Variants in GPHN observed in about 807,000 individuals in gnomAD.
The protein encoded by GPHN is gephyrin.
GPHN carries 17 observed loss-of-function variants against 95.5 expected under a neutral mutation model. The observed-to-expected ratio is 0.18, with a 90% CI of 0.12 to 0.27. The LOEUF is 0.27. GPHN is among the 10% of genes least tolerant of loss of function. The pLI, the probability that GPHN is intolerant of heterozygous loss-of-function variation, is 1.00. For missense variants in GPHN, 660 were observed against 978.1 expected (o/e 0.67, Z 4.34); for synonymous variants, 320 against 322.5 (o/e 0.99, Z 0.08).
chr14:67,282,767 T>C, the GPHN span, among the ~76,000 whole-genome samples: 6 of 152,262 alleles, frequency 3.9e-5, no homozygotes, highest in Admixed American at 3.3e-4. Flanking sequence ...CAAATATTAT[T>C]GTCTTTGTTC....
chr14:66,791,861 A>G (rs1256256597), intron 3 of GPHN, among the ~76,000 whole-genome samples: 2 of 152,130 alleles, frequency 1.3e-5, no homozygotes, highest in Non-Finnish European at 1.5e-5. Context: ...GACATAGGAG[A>G]GACTGGGTAA....
chr14:67,582,128 C>T, the GPHN span: 1 of 1,613,718 alleles, frequency 6.2e-7, no homozygotes, highest in Non-Finnish European at 8.5e-7. This position sits in a 1 kb window ranked among gnomAD's most constrained non-coding sequence, Gnocchi z 5.0. Context: ...CTCCTTGCCT[C>T]TCAAACCAGT....
chr14:66,618,792 A>C (rs553870861), intron 1 of GPHN, among the ~76,000 whole-genome samples: 1 of 152,268 alleles, frequency 6.6e-6, no homozygotes, highest in East Asian at 1.9e-4. Context: ...TAAACGGCAC[A>C]TTTTAAATTT....
intron 2 of GPHN, among the ~76,000 whole-genome samples, chr14:66,700,534 G>A (rs984326082): frequency 1.3e-5 from 2 of 151,980 alleles, no homozygotes; most frequent in Non-Finnish European, 2.9e-5. Flanking sequence ...GGGACAACTC[G>A]GGGATGAAGG....
At chr14:67,694,624 A>G in the GPHN span, among the ~76,000 whole-genome samples, 3 of 152,172 alleles carry the variant, frequency 2.0e-5, no homozygotes, top group Middle Eastern at 0.01. Flanking sequence ...GTAGTGAAAA[A>G]AAGATAAAAA....
intron 17 of GPHN, among the ~76,000 whole-genome samples, chr14:67,128,985 C>T (rs753862734): frequency 4.0e-5 from 6 of 151,308 alleles, no homozygotes; most frequent in Non-Finnish European, 8.8e-5. Context: ...CAGCTAATTT[C>T]GTATTTTTAG....
chr14:67,641,814 A>AT, the GPHN span, among the ~76,000 whole-genome samples: 3 of 152,062 alleles, frequency 2.0e-5, no homozygotes, highest in Non-Finnish European at 4.4e-5. Flanking sequence ...CTCTTTGTGT[A>AT]TTTTTTTGCT....
At chr14:67,622,747 C>T in the GPHN span, among the ~76,000 whole-genome samples, 1 of 152,242 alleles carries the variant, frequency 6.6e-6, no homozygotes, top group Middle Eastern at 3.2e-3. Context: ...TGCAGTCCAT[C>T]TGAACTCGGC....
At chr14:66,922,269 ATGT>A (rs1267130670) in intron 6 of GPHN, among the ~76,000 whole-genome samples, 1 of 125,848 alleles carries the variant, frequency 7.9e-6, no homozygotes, top group African/African-American at 4.1e-5. Flanking sequence ...AGCAGAGTGT[ATGT>A]TTTTTTTTTT....
chr14:66,546,338 G>C (rs2059594098), intron 1 of GPHN, among the ~76,000 whole-genome samples: 1 of 152,102 alleles, frequency 6.6e-6, no homozygotes. Context: ...GGGCGGCCAG[G>C]CAGAGAGGCT....
chr14:67,256,642 G>C, the GPHN span, among the ~76,000 whole-genome samples: 3 of 152,094 alleles, frequency 2.0e-5, no homozygotes, highest in Non-Finnish European at 4.4e-5. Context: ...TAGCCTCCCA[G>C]ATTCAAGTGA....
intron 18 of GPHN, among the ~76,000 whole-genome samples, chr14:67,154,464 A>G (rs2081463770): frequency 6.6e-6 from 1 of 152,164 alleles, no homozygotes; most frequent in Admixed American, 6.6e-5. Context: ...TCTTTGTGTC[A>G]GGGACTATGT....
chr14:67,051,507 G>A (rs1335951966), intron 10 of GPHN, among the ~76,000 whole-genome samples: 1 of 152,204 alleles, frequency 6.6e-6, no homozygotes, highest in Non-Finnish European at 1.5e-5. Flanking sequence ...AAAGAGATGG[G>A]AGAATGGAAC....
chr14:67,573,193 C>G, the GPHN span: 1 of 811,118 alleles, frequency 1.2e-6, no homozygotes, highest in Admixed American at 1.9e-5. The surrounding 1 kb of genome is among the most constrained non-coding windows in gnomAD (Gnocchi z 4.8). Context: ...AGTAGTGAGG[C>G]AGCTGGACCA....
chr14:66,737,622 A>C (rs1235405971), intron 2 of GPHN, among the ~76,000 whole-genome samples: 1 of 152,190 alleles, frequency 6.6e-6, no homozygotes, highest in Non-Finnish European at 1.5e-5. Flanking sequence ...GCTTTTAAGC[A>C]CTGGGCTCTT....
chr14:67,686,594 G>A, the GPHN span, among the ~76,000 whole-genome samples: 5 of 141,330 alleles, frequency 3.5e-5, no homozygotes, highest in East Asian at 6.3e-4. Context: ...AGCCGATATC[G>A]TGCCACTGCA....
the GPHN span, chr14:67,332,787 A>C: frequency 1.2e-6 from 2 of 1,609,088 alleles, no homozygotes; most frequent in East Asian, 2.2e-5. Context: ...CAGCCTGAAG[A>C]GTTGAGAGAA....
chr14:67,321,577 A>T, the GPHN span, among the ~76,000 whole-genome samples: 3 of 152,214 alleles, frequency 2.0e-5, no homozygotes, highest in Non-Finnish European at 4.4e-5. Flanking sequence ...TTGAGGATAG[A>T]CCCAAGTCTG....
chr14:67,731,207 C>CTTTTTTTTTTTTT, the GPHN span, among the ~76,000 whole-genome samples: 4 of 90,618 alleles, frequency 4.4e-5, no homozygotes, highest in Non-Finnish European at 6.0e-5. Context: ...TTCTTTCTTT[C>CTTTTTTTTTTTTT]TTTTTTTTTT....
Sources: allele counts gnomAD v4.1 joint callset (sites outside exome capture counted in the v4.1 genomes callset), GRCh38; gene constraint gnomAD v4.1.1; non-coding constraint Gnocchi (gnomAD v3.1); transcripts MANE v1.5; gene names NCBI Gene and HGNC (gene_info 2026-07-23, HGNC 2026-07-21).